The following SH3BP4 variants were observed in gnomAD, a reference collection of about 807,000 sequenced individuals.
SH3BP4 encodes the protein SH3 domain-binding protein 4.
A neutral mutation model predicts 65.5 loss-of-function variants in SH3BP4; 33 were observed. That is an observed-to-expected ratio of 0.50 (90% confidence interval 0.38 to 0.67). The LOEUF is 0.67. SH3BP4 is among the 30% of genes least tolerant of loss of function. SH3BP4 has a pLI of 0.00. For missense variants in SH3BP4, 1,134 were observed against 1,261.4 expected (o/e 0.90, Z 1.53); for synonymous variants, 552 against 545.5 (o/e 1.01, Z -0.17).
intron 1 of SH3BP4, among the ~76,000 whole-genome samples, chr2:234,971,081 C>T (rs1692986312): frequency 6.6e-6 from 1 of 152,192 alleles, no homozygotes; most frequent in Admixed American, 6.5e-5. Flanking sequence ...CTGGAGCATA[C>T]AGTTCAGTTG....
intron 2 of SH3BP4, among the ~76,000 whole-genome samples, chr2:235,013,708 TC>T (rs1283089452): frequency 6.6e-6 from 1 of 151,996 alleles, no homozygotes; most frequent in Non-Finnish European, 1.5e-5. Flanking sequence ...CCCAAGCCTC[TC>T]CCCCCATTTT....
chr2:234,996,603 G>A (rs1414117652), intron 2 of SH3BP4, among the ~76,000 whole-genome samples: 3 of 152,332 alleles, frequency 2.0e-5, no homozygotes, highest in South Asian at 4.1e-4. Flanking sequence ...GCAGCCCCTG[G>A]CCCTGGAGGC....
chr2:234,982,320 G>C (rs892491874), intron 1 of SH3BP4, among the ~76,000 whole-genome samples: 3 of 152,126 alleles, frequency 2.0e-5, no homozygotes, highest in Non-Finnish European at 4.4e-5. Flanking sequence ...CCACTTCTGT[G>C]TTGGTGCCCT....
intron 1 of SH3BP4, among the ~76,000 whole-genome samples, chr2:234,970,523 T>C (rs12329106): frequency 0.052 from 7,978 of 152,224 alleles, 610 homozygotes; most frequent in African/African-American, 0.17. Flanking sequence ...GAGATCATGG[T>C]TTTACAAAAC....
chr2:235,018,245 G>T (rs1241901944), intron 2 of SH3BP4, among the ~76,000 whole-genome samples: 1 of 152,140 alleles, frequency 6.6e-6, no homozygotes, highest in Non-Finnish European at 1.5e-5. Context: ...GTGCTTGCTG[G>T]GAGTGAGGTG....
At chr2:235,053,271 C>G (rs1335659423) in intron 5 of SH3BP4, among the ~76,000 whole-genome samples, 1 of 152,194 alleles carries the variant, frequency 6.6e-6, no homozygotes, top group South Asian at 2.1e-4. Flanking sequence ...ACAAAGCTGT[C>G]TTTTATGAAT....
chr2:234,962,861 G>A (rs557071281), intron 1 of SH3BP4, among the ~76,000 whole-genome samples: 1 of 152,216 alleles, frequency 6.6e-6, no homozygotes, highest in South Asian at 2.1e-4. Context: ...TAGTAGCTGG[G>A]ATTACAGGCA....
chr2:235,051,143 C>G (rs746638682), intron 4 of SH3BP4, among the ~76,000 whole-genome samples: 16 of 152,206 alleles, frequency 1.1e-4, no homozygotes, highest in Non-Finnish European at 2.1e-4. Context: ...ATGCGGCTCT[C>G]CTGCCTTCCT....
At chr2:235,001,508 C>T (rs1366704527) in intron 2 of SH3BP4, among the ~76,000 whole-genome samples, 1 of 152,210 alleles carries the variant, frequency 6.6e-6, no homozygotes, top group Non-Finnish European at 1.5e-5. Flanking sequence ...GTAAAACTCT[C>T]CTTCCCTTTA....
At chr2:235,018,351 C>T (rs1249468729) in intron 2 of SH3BP4, among the ~76,000 whole-genome samples, 3 of 151,970 alleles carry the variant, frequency 2.0e-5, no homozygotes, top group South Asian at 2.1e-4. Context: ...TCGTGGGGTA[C>T]GGGTACAGGC....
chr2:234,959,678 G>A (rs1454141483), intron 1 of SH3BP4, among the ~76,000 whole-genome samples: 1 of 140,948 alleles, frequency 7.1e-6, no homozygotes, highest in East Asian at 2.0e-4. Flanking sequence ...TTTTGAGACG[G>A]AATCTCACTC....
At chr2:235,020,562 C>T (rs1317965484) in intron 2 of SH3BP4, among the ~76,000 whole-genome samples, 3 of 152,100 alleles carry the variant, frequency 2.0e-5, no homozygotes, top group Admixed American at 6.5e-5. Flanking sequence ...AAAATATAAT[C>T]GGAAAAGGAG....
chr2:234,965,004 C>T (rs1312306097), intron 1 of SH3BP4, among the ~76,000 whole-genome samples: 2 of 152,110 alleles, frequency 1.3e-5, no homozygotes, highest in Admixed American at 1.3e-4. Flanking sequence ...CCAGTGCTCC[C>T]GTGACCCACA....
chr2:235,039,305 C>A (rs1330631007), intron 3 of SH3BP4, among the ~76,000 whole-genome samples: 1 of 152,092 alleles, frequency 6.6e-6, no homozygotes, highest in African/African-American at 2.4e-5. Flanking sequence ...TAACACTTTC[C>A]CAAGGAAGTG....
intron 1 of SH3BP4, chr2:234,994,553 G>C (rs1223666171): frequency 6.6e-6 from 1 of 152,122 alleles, no homozygotes; most frequent in Non-Finnish European, 1.5e-5. Context: ...GATGTTGGCT[G>C]GTTCTGCTCT....
At chr2:235,013,064 A>C (rs143863580) in intron 2 of SH3BP4, among the ~76,000 whole-genome samples, 138 of 152,362 alleles carry the variant, frequency 9.1e-4, no homozygotes, top group African/African-American at 3.2e-3. Flanking sequence ...AAATGTTTCC[A>C]AAACAGCCTT....
In SH3BP4 at chr2:234,991,554, C is replaced by T. The variant is rs918137230; in HGVS notation, c.-206-3749C>T. ...GAGAATAAGGCATCCTCTAGACTTT[C>T]TGCTAATTCCATCCACCCACGCTAA... On this transcript the variant is annotated intron_variant, in intron 1 of 5. Coordinates refer to ENST00000392011, the MANE Select transcript of SH3BP4 (RefSeq NM_014521.3). The surrounding 1 kb of genome is among the most constrained non-coding windows in gnomAD (Gnocchi z 4.2). 6.6e-6 allele frequency among the ~76,000 whole-genome samples: 1 copy of T among 152,162 alleles called. No homozygotes were observed. Among genetic ancestry groups the T allele is most frequent in the South Asian group, 2.1e-4 (1 of 4,832 alleles).
In SH3BP4 at chr2:235,026,910, G is replaced by A. The variant is rs1472256760; in HGVS notation, c.-132-7961G>A. On this transcript the variant is annotated intron_variant, in intron 2 of 5. Coordinates refer to ENST00000392011, the MANE Select transcript of SH3BP4 (RefSeq NM_014521.3). The surrounding 1 kb of genome is among the most constrained non-coding windows in gnomAD (Gnocchi z 4.6). ...CTGTTTTCTCCCCCAGGAAGAGGCA[G>A]CCCGCCCGAGCCCCAGGCAGCATGT... 6.6e-6 allele frequency among the ~76,000 whole-genome samples: 1 copy of A among 152,178 alleles called. No individual in the cohort carries two copies. Among genetic ancestry groups the A allele is most frequent in the Non-Finnish European group, 1.5e-5 (1 of 68,042 alleles).
At position 235,033,553 on chromosome 2, in the gene SH3BP4, C is replaced by T. The variant is rs1019234532; in HGVS notation, c.-132-1318C>T. 4.6e-5 allele frequency among the ~76,000 whole-genome samples: 7 copies of T among 152,214 alleles called. No homozygotes were observed. In the East Asian group the frequency reaches 9.6e-4, roughly 21 times the overall value. The stretch of plus-strand genomic sequence containing the variant: ...TTCTGAGGCCTTGAGATGGAAAGGA[C>T]GCCTCCCTTGAGCCACTATCCGCCG... On this transcript the variant is annotated intron_variant, in intron 2 of 5. Coordinates refer to ENST00000392011, the MANE Select transcript of SH3BP4 (RefSeq NM_014521.3). The surrounding 1 kb of genome is among the most constrained non-coding windows in gnomAD (Gnocchi z 5.7).
Sources: gnomAD v4.1 joint callset for allele counts (sites outside exome capture counted in the v4.1 genomes callset) on GRCh38, gnomAD v4.1.1 for gene constraint, Gnocchi (gnomAD v3.1) non-coding constraint, MANE v1.5 for transcripts, NCBI Gene and HGNC (gene_info 2026-07-23, HGNC 2026-07-21) for gene names.